ABCB7: variants seen among roughly 807,000 people sequenced by gnomAD.
ABCB7 encodes the protein ATP binding cassette subfamily B member 7, also known as iron-sulfur clusters transporter ABCB7, mitochondrial.
ABCB7 carries 7 observed loss-of-function variants against 54.4 expected under a neutral mutation model. That is an observed-to-expected ratio of 0.13 (90% CI 0.07 to 0.24). The LOEUF (loss-of-function observed/expected upper bound fraction) is 0.24. Ranked by LOEUF, ABCB7 falls within the 10% of genes least tolerant of loss-of-function variation. The pLI, the probability that ABCB7 is intolerant of heterozygous loss-of-function variation, is 1.00. For missense variants in ABCB7, 356 were observed against 570.4 expected, an observed-to-expected ratio of 0.62 and a Z score of 3.83; for synonymous variants, 218 against 207.1, an observed-to-expected ratio of 1.05 and a Z score of -0.45.
intron 4 of ABCB7, among the ~76,000 whole-genome samples, chrX:75,088,856 A>C (rs1251981993): frequency 9.2e-6 from 1 of 109,249 alleles, no homozygotes; most frequent in East Asian, 2.8e-4. Flanking sequence ...CAAAAAAAAA[A>C]ACACAACAAC....
chrX:75,054,410 C>T (rs773769218), intron 15 of ABCB7, among the ~76,000 whole-genome samples: 36 of 111,990 alleles, frequency 3.2e-4, no homozygotes, highest in Non-Finnish European at 5.6e-4. Context: ...ATTCCCACTA[C>T]TACATCATAT....
chrX:75,138,161 A>G (rs1008987320), intron 1 of ABCB7, among the ~76,000 whole-genome samples: 1 of 111,505 alleles, frequency 9.0e-6, no homozygotes, highest in Non-Finnish European at 1.9e-5. Context: ...CAGTATAACT[A>G]AAATTTAAAA....
intron 1 of ABCB7, among the ~76,000 whole-genome samples, chrX:75,132,626 T>C (rs926209625): frequency 5.3e-5 from 6 of 112,442 alleles, no homozygotes; most frequent in Non-Finnish European, 9.4e-5. Flanking sequence ...GGAGCATGGC[T>C]GTAAATGCAA....
chrX:75,107,539 A>G (rs1469112458), intron 3 of ABCB7, among the ~76,000 whole-genome samples: 2 of 111,803 alleles, frequency 1.8e-5, no homozygotes, highest in African/African-American at 6.5e-5. Flanking sequence ...GGCAACTGTC[A>G]GAGTCGTGAG....
At chrX:75,143,017 C>T (rs1247391355) in intron 1 of ABCB7, among the ~76,000 whole-genome samples, 1 of 112,386 alleles carries the variant, frequency 8.9e-6, no homozygotes, top group Non-Finnish European at 1.9e-5. Context: ...TATGACCATA[C>T]TCTAAGCTAG....
chrX:75,079,222 C>G (rs1052225998), intron 4 of ABCB7, among the ~76,000 whole-genome samples: 1 of 111,659 alleles, frequency 9.0e-6, no homozygotes, highest in Non-Finnish European at 1.9e-5. Context: ...AAGAGTATGG[C>G]GCTACCTCTA....
intron 4 of ABCB7, chrX:75,097,310 A>T (rs762184782): frequency 1.8e-5 from 2 of 111,654 alleles, no homozygotes; most frequent in Non-Finnish European, 3.8e-5. Context: ...CTACACCTGT[A>T]ATAATCCTAC....
At chrX:75,093,559 T>C (rs2147496069) in intron 4 of ABCB7, among the ~76,000 whole-genome samples, 1 of 110,958 alleles carries the variant, frequency 9.0e-6, no homozygotes, top group Non-Finnish European at 1.9e-5. Context: ...TGAATCCTAA[T>C]GTAAACTATG....
At chrX:75,107,187 A>G (rs2081711688) in intron 3 of ABCB7, among the ~76,000 whole-genome samples, 1 of 111,571 alleles carries the variant, frequency 9.0e-6, no homozygotes, top group Admixed American at 9.5e-5. Flanking sequence ...AACCAGCCCT[A>G]GCCAGATGAG....
rs202079186 is a variant in ABCB7, at chrX:75,094,796, T to TA, written c.453+4145dup. Among the ~76,000 whole-genome samples the TA allele has an allele frequency of 6.3e-3, 700 of 110,409 alleles. 7 individuals are homozygous for TA. The highest frequency in any genetic ancestry group is 0.02 in the African/African-American group (599 of 30,358). ...ACTCCTATGATATATGTATAGATGG[T>TA]AAAAAAAATACATTACATATGATTT... On this transcript the variant is annotated intron_variant, in intron 4 of 15. Transcript: ENST00000373394.
At chrX:75,089,325 T>C (rs1392891032) in intron 4 of ABCB7, among the ~76,000 whole-genome samples, 2 of 111,828 alleles carry the variant, frequency 1.8e-5, no homozygotes, top group African/African-American at 6.5e-5. Flanking sequence ...ATCTAACAGA[T>C]AAGTTTCTTC....
chrX:75,130,850 C>A (rs531136652), intron 1 of ABCB7, among the ~76,000 whole-genome samples: 5 of 110,648 alleles, frequency 4.5e-5, no homozygotes, highest in African/African-American at 1.6e-4. Context: ...AATAAAGCAA[C>A]ACAAAAGTGT....
chrX:75,113,005 C>T (rs749137822), intron 2 of ABCB7, 33 bp from the exon 3 acceptor site: 5 of 1,120,824 alleles, frequency 4.5e-6, no homozygotes, highest in Non-Finnish European at 6.1e-6. Flanking sequence ...AGTCCGTTAG[C>T]TATTACAGAA....
chrX:75,112,784 G>A, intron 3 of ABCB7, 102 bp downstream of exon 3: 1 of 623,028 alleles, frequency 1.6e-6, no homozygotes. Context: ...GCAGTTAGAT[G>A]AGTCAATCAA....
At chrX:75,095,384 G>A (rs2081581920) in intron 4 of ABCB7, among the ~76,000 whole-genome samples, 2 of 112,178 alleles carry the variant, frequency 1.8e-5, no homozygotes, top group Non-Finnish European at 3.8e-5. Flanking sequence ...TGAAAAATAG[G>A]AAGCCAAGGA....
intron 1 of ABCB7, among the ~76,000 whole-genome samples, chrX:75,152,847 A>G (rs1049938358): frequency 3.7e-5 from 4 of 109,109 alleles, no homozygotes; most frequent in African/African-American, 1.3e-4. Context: ...TTTAGTATGG[A>G]CGGGGTTTCA....
chrX:75,065,963 G>A (rs1417780018), intron 12 of ABCB7, among the ~76,000 whole-genome samples: 1 of 111,450 alleles, frequency 9.0e-6, no homozygotes, highest in Non-Finnish European at 1.9e-5. Context: ...GGAAAAATGT[G>A]TTTTTTGTTT....
intron 1 of ABCB7, among the ~76,000 whole-genome samples, chrX:75,146,007 A>G (rs2082088008): frequency 8.9e-6 from 1 of 111,848 alleles, no homozygotes; most frequent in Non-Finnish European, 1.9e-5. Flanking sequence ...TAGCATTCCT[A>G]TACACCGACA....
intron 1 of ABCB7, among the ~76,000 whole-genome samples, chrX:75,122,026 G>T (rs1040447555): frequency 1.8e-5 from 2 of 111,287 alleles, no homozygotes; most frequent in Admixed American, 9.6e-5. Context: ...ATAAAAGGGA[G>T]GGGTGAAATG....
Sources: gnomAD v4.1 joint callset for allele counts (sites outside exome capture counted in the v4.1 genomes callset) on GRCh38, gnomAD v4.1.1 for gene constraint, MANE v1.5 for transcripts, NCBI Gene and HGNC (gene_info 2026-07-23, HGNC 2026-07-21) for gene names.